TMPRSS15: variants seen among roughly 807,000 people sequenced by gnomAD.
TMPRSS15 encodes the protein enteropeptidase.
Under a neutral mutation model 125.3 loss-of-function variants are expected in TMPRSS15, and 128 were observed. The ratio of observed to expected loss-of-function variants is 1.02; its 90% CI spans 0.89 to 1.18. TMPRSS15 has a LOEUF of 1.18. TMPRSS15 is among the 50% of genes most tolerant of loss of function. The pLI is 0.00. For missense variants in TMPRSS15, 1,283 were observed against 1,212.7 expected (o/e 1.06, Z -0.86); for synonymous variants, 446 against 423.2 (o/e 1.05, Z -0.66).
intron 5 of TMPRSS15, among the ~76,000 whole-genome samples, chr21:18,376,492 T>G (rs1189518640): frequency 6.6e-6 from 1 of 152,202 alleles, no homozygotes; most frequent in Non-Finnish European, 1.5e-5. Flanking sequence ...TTCATGTTTT[T>G]CACTAAATCA....
chr21:18,400,295 C>G (rs1288216739), intron 1 of TMPRSS15, among the ~76,000 whole-genome samples: 2 of 152,014 alleles, frequency 1.3e-5, no homozygotes, highest in African/African-American at 4.8e-5. Flanking sequence ...AGAACAAAGT[C>G]AGAGGCATCA....
At chr21:18,291,335 T>C (rs2074831270) in intron 21 of TMPRSS15, among the ~76,000 whole-genome samples, 1 of 152,194 alleles carries the variant, frequency 6.6e-6, no homozygotes, top group African/African-American at 2.4e-5. Flanking sequence ...AAATCCTTCT[T>C]TTAAGGTTGT....
intron 3 of TMPRSS15, among the ~76,000 whole-genome samples, chr21:18,387,297 A>G (rs1382684238): frequency 1.3e-5 from 2 of 152,164 alleles, no homozygotes; most frequent in Non-Finnish European, 2.9e-5. Context: ...AGGCAGAGAA[A>G]TCCTACTATG....
rs545638864 is a variant in TMPRSS15, at chr21:18,354,985, AT to A, written c.881-1123del. 1.9e-3 allele frequency among the ~76,000 whole-genome samples: 291 copies of A among 151,960 alleles called. 3 individuals are homozygous for A. Among genetic ancestry groups the A allele is most frequent in the African/African-American group, 6.7e-3 (280 of 41,542 alleles). On this transcript the variant is annotated intron_variant, in intron 8 of 24. Coordinates refer to ENST00000284885, the MANE Select transcript of TMPRSS15 (RefSeq NM_002772.3). ...GAAACAATGTGATACATACAATGGAATTTCAACATAATCTAATAGAAAGGAC... is the reference window on the plus strand; with the variant it reads ...GAAACAATGTGATACATACAATGGAATTCAACATAATCTAATAGAAAGGAC...
intron 18 of TMPRSS15, among the ~76,000 whole-genome samples, chr21:18,306,289 A>C (rs1325622641): frequency 6.6e-6 from 1 of 152,208 alleles, no homozygotes; most frequent in Non-Finnish European, 1.5e-5. Context: ...GATGAAACAT[A>C]GGTTCTATTT....
intron 18 of TMPRSS15, among the ~76,000 whole-genome samples, chr21:18,300,180 A>G (rs565686515): frequency 1.3e-5 from 2 of 150,464 alleles, no homozygotes; most frequent in Non-Finnish European, 3.0e-5. Context: ...GAAGGGATAC[A>G]TTCCTTTTTC....
Position 18,308,150 on chromosome 21 carries a change from T to C in TMPRSS15, c.2165+4795A>G, listed in dbSNP as rs2075056667. 2.0e-5 allele frequency among the ~76,000 whole-genome samples: 3 copies of C among 152,190 alleles called. No individual in the cohort carries two copies. The South Asian group carries it at 6.2e-4, about 31-fold the overall frequency. On this transcript the variant is annotated intron_variant, in intron 18 of 24. Coordinates refer to ENST00000284885, the MANE Select transcript of TMPRSS15 (RefSeq NM_002772.3). ...TAGGACCTCACCTCTTTGAATTCAC[T>C]ATTGAACTAAAATTAGTGTTTAAAG...
chr21:18,370,402 G>C (rs1031779472), intron 6 of TMPRSS15, among the ~76,000 whole-genome samples: 1 of 151,968 alleles, frequency 6.6e-6, no homozygotes, highest in Non-Finnish European at 1.5e-5. Flanking sequence ...TCTATTTAAG[G>C]ATATTGATCA....
chr21:18,424,733 T>C (rs1359814908), intron 1 of TMPRSS15, among the ~76,000 whole-genome samples: 2 of 151,906 alleles, frequency 1.3e-5, no homozygotes, highest in African/African-American at 2.4e-5. Context: ...CATAAAGTAA[T>C]GGTTAAAAAA....
At chr21:18,390,599 G>C (rs1180844008) in intron 3 of TMPRSS15, among the ~76,000 whole-genome samples, 1 of 152,152 alleles carries the variant, frequency 6.6e-6, no homozygotes, top group African/African-American at 2.4e-5. Flanking sequence ...GCTATAGTGT[G>C]AGAATTGTAC....
At chr21:18,349,550 C>G (rs8127494) in intron 10 of TMPRSS15, among the ~76,000 whole-genome samples, 84,186 of 152,030 alleles carry the variant, frequency 0.55, 24,528 homozygotes, top group East Asian at 0.82. Flanking sequence ...GAGGAACATC[C>G]AGAAATATTT....
chr21:18,440,832 GAA>G (rs1284680062), intron 1 of TMPRSS15, among the ~76,000 whole-genome samples: 8 of 152,224 alleles, frequency 5.3e-5, no homozygotes, highest in African/African-American at 1.9e-4. Context: ...TGATTTAAAA[GAA>G]AATTAGTGTA....
chr21:18,351,619 A>G (rs1193869269), intron 10 of TMPRSS15, among the ~76,000 whole-genome samples: 4 of 152,164 alleles, frequency 2.6e-5, no homozygotes, highest in African/African-American at 7.2e-5. Context: ...TGCCATGATT[A>G]TAAGTGTCCT....
chr21:18,475,474 C>T (rs565720059), intron 1 of TMPRSS15, among the ~76,000 whole-genome samples: 3 of 152,014 alleles, frequency 2.0e-5, no homozygotes, highest in East Asian at 3.9e-4. Flanking sequence ...GGCCTGTAGT[C>T]CCAGCTACTC....
chr21:18,341,711 T>G (rs1356103607), intron 12 of TMPRSS15, among the ~76,000 whole-genome samples, 163 bp from the exon 13 acceptor site: 1 of 152,204 alleles, frequency 6.6e-6, no homozygotes, highest in Non-Finnish European at 1.5e-5. Flanking sequence ...TGACAGATCA[T>G]GCTTTTTAAA....
At chr21:18,278,856 A>G in intron 23 of TMPRSS15, 108 bp downstream of exon 23, 1 of 661,960 alleles carries the variant, frequency 1.5e-6, no homozygotes, top group Non-Finnish European at 2.7e-6. Flanking sequence ...AAAAACTGTT[A>G]TATAAGAATT....
At chr21:18,283,204 C>A (rs1421974453) in intron 21 of TMPRSS15, among the ~76,000 whole-genome samples, 16 of 152,172 alleles carry the variant, frequency 1.1e-4, no homozygotes, top group Admixed American at 1.0e-3. Context: ...GGAGAGTGAA[C>A]AGAGCCAAAT....
rs1408538735 is a variant in TMPRSS15, at chr21:18,311,325, C to T, written c.2165+1620G>A. Among the ~76,000 whole-genome samples the T allele has an allele frequency of 2.0e-5, 3 of 152,118 alleles. No homozygotes were observed. The East Asian group carries it at 5.8e-4, about 29-fold the overall frequency. On this transcript the variant is annotated intron_variant, in intron 18 of 24. Coordinates refer to ENST00000284885, the MANE Select transcript of TMPRSS15 (RefSeq NM_002772.3). Reference sequence around the variant, plus strand: ...TCCACAGAATGGGAGAAAATATCTGCAAACTATCCATTTGACAAGCACATA... The same window carrying T: ...TCCACAGAATGGGAGAAAATATCTGTAAACTATCCATTTGACAAGCACATA...
intron 1 of TMPRSS15, among the ~76,000 whole-genome samples, chr21:18,438,192 T>G (rs1041052943): frequency 6.0e-5 from 9 of 150,126 alleles, no homozygotes; most frequent in African/African-American, 2.2e-4. Flanking sequence ...TGGATGAAAT[T>G]GGAAATCATC....
Sources: allele counts gnomAD v4.1 joint callset (sites outside exome capture counted in the v4.1 genomes callset), GRCh38; gene constraint gnomAD v4.1.1; transcripts MANE v1.5; gene names NCBI Gene and HGNC (gene_info 2026-07-23, HGNC 2026-07-21).